Variants in COL5A2 observed in about 807,000 individuals in gnomAD.
The protein encoded by COL5A2 is collagen alpha-2(V) chain.
COL5A2 carries 23 observed loss-of-function variants against 208.2 expected under a neutral mutation model. That is an observed-to-expected ratio of 0.11 (90% confidence interval 0.08 to 0.16). COL5A2 has a LOEUF of 0.16. Ranked by LOEUF, COL5A2 falls within the 10% of genes least tolerant of loss-of-function variation. COL5A2 has a pLI of 1.00. For synonymous variants in COL5A2, 625 were observed against 628.5 expected, an observed-to-expected ratio of 0.99 and a Z score of 0.08; for missense variants, 1,590 against 1,956.4, an observed-to-expected ratio of 0.81 and a Z score of 3.53.
At chr2:189,269,731 T>G in the COL5A2 span, among the ~76,000 whole-genome samples, 1 of 152,174 alleles carries the variant, frequency 6.6e-6, no homozygotes, top group African/African-American at 2.4e-5. Context: ...GGTTTTAATA[T>G]AAGGATGATG....
At chr2:189,245,702 CT>C in the COL5A2 span, among the ~76,000 whole-genome samples, 2 of 152,142 alleles carry the variant, frequency 1.3e-5, no homozygotes, top group East Asian at 3.9e-4. Context: ...TCTCGATCTC[CT>C]GACCTCGTGA....
At chr2:189,091,954 A>T (rs962652384) in intron 7 of COL5A2, among the ~76,000 whole-genome samples, 3 of 152,124 alleles carry the variant, frequency 2.0e-5, no homozygotes, top group African/African-American at 7.2e-5. Flanking sequence ...TACGGAGCAG[A>T]TTTTTTTGGC....
At chr2:189,057,290 GAAAAAA>G (rs34715449) in intron 34 of COL5A2, 24 bp downstream of exon 34, 24 of 710,600 alleles carry the variant, frequency 3.4e-5, no homozygotes, top group Middle Eastern at 3.5e-4. Flanking sequence ...TAAATGAACT[GAAAAAA>G]AAAAAAAAAA....
At chr2:189,094,074 C>T (rs2105672689) in intron 6 of COL5A2, among the ~76,000 whole-genome samples, 1 of 152,218 alleles carries the variant, frequency 6.6e-6, no homozygotes, top group East Asian at 1.9e-4. Flanking sequence ...ATTCATTAGT[C>T]CTCCAAAGAG....
At chr2:189,407,767 C>T in the COL5A2 span, among the ~76,000 whole-genome samples, 3 of 152,168 alleles carry the variant, frequency 2.0e-5, no homozygotes, top group Non-Finnish European at 4.4e-5. Flanking sequence ...AGCAAGACAA[C>T]TCCTCTTTAC....
chr2:189,245,876 T>C, the COL5A2 span, among the ~76,000 whole-genome samples: 1 of 152,246 alleles, frequency 6.6e-6, no homozygotes, highest in African/African-American at 2.4e-5. Flanking sequence ...TTACAACTTT[T>C]GTTTAGTACA....
chr2:189,224,938 AAGAC>A (rs1460168058), intron 1 of COL5A2, among the ~76,000 whole-genome samples: 4 of 152,072 alleles, frequency 2.6e-5, no homozygotes, highest in East Asian at 1.9e-4. Context: ...TTTTAACAGA[AAGAC>A]AGACAAGAGA....
the COL5A2 span, among the ~76,000 whole-genome samples, chr2:189,353,661 G>T: frequency 1.3e-5 from 2 of 152,036 alleles, no homozygotes; most frequent in Non-Finnish European, 2.9e-5. Context: ...ACCGCTGAAG[G>T]TGCTTATCAG....
chr2:189,108,922 T>A (rs935137211), intron 2 of COL5A2, among the ~76,000 whole-genome samples: 1 of 151,908 alleles, frequency 6.6e-6, no homozygotes, highest in African/African-American at 2.4e-5. Context: ...GACCATTACT[T>A]ATTTCTGCTT....
intron 1 of COL5A2, among the ~76,000 whole-genome samples, chr2:189,213,449 C>G (rs1483185995): frequency 6.6e-6 from 1 of 152,166 alleles, no homozygotes. Flanking sequence ...TTATGTGCTT[C>G]TTGAAGAAAG....
the COL5A2 span, among the ~76,000 whole-genome samples, chr2:189,423,432 A>T: frequency 2.1e-3 from 315 of 152,120 alleles, 1 homozygote; most frequent in African/African-American, 7.2e-3. Context: ...ATAATAGGAA[A>T]TTTTTTTAAT....
chr2:189,339,034 T>C, the COL5A2 span, among the ~76,000 whole-genome samples: 1 of 152,188 alleles, frequency 6.6e-6, no homozygotes, highest in Admixed American at 6.5e-5. Flanking sequence ...TAGACACATG[T>C]TTAGTGTGAC....
chr2:189,098,613 A>G, intron 5 of COL5A2, 114 bp downstream of exon 5: 4 of 861,930 alleles, frequency 4.6e-6, no homozygotes, highest in Non-Finnish European at 7.7e-6. Flanking sequence ...ATGTTTTAAG[A>G]GACCAAGTAT....
intron 33 of COL5A2, 83 bp from the exon 34 acceptor site, chr2:189,057,510 G>T: frequency 1.0e-6 from 1 of 989,664 alleles, no homozygotes; most frequent in Non-Finnish European, 1.6e-6. Flanking sequence ...GTCAAAAGTA[G>T]TTGTCAGCAA....
chr2:189,321,516 C>T, the COL5A2 span, among the ~76,000 whole-genome samples: 7 of 152,114 alleles, frequency 4.6e-5, no homozygotes, highest in African/African-American at 1.7e-4. Context: ...GGTTGCAATC[C>T]TAGTCTCTGA....
chr2:189,239,832 C>T, the COL5A2 span, among the ~76,000 whole-genome samples: 11 of 151,526 alleles, frequency 7.3e-5, no homozygotes, highest in South Asian at 2.1e-4. Flanking sequence ...ATAAGGAATG[C>T]GGGAGGACCT....
chr2:189,054,351 G>T lies in COL5A2; in HGVS notation c.2392-139C>A, dbSNP rs1357020952. The T allele has an allele frequency of 6.1e-6, 4 of 658,056 alleles. No homozygotes were observed. The East Asian group carries it at 1.1e-4, about 18-fold the overall frequency. 40.8% of individuals were successfully genotyped at this position (658,056 alleles called of 1,614,324 possible). A position where few individuals can be genotyped will look rare whatever the true frequency, so the allele number is the denominator to read the frequency against. On this transcript the variant is annotated intron_variant, in intron 35 of 53. Transcript: ENST00000374866. ...TTGCAAATCATTATCTATAATAAAT[G>T]ATATAATCTATATATTTTCAAGAGT...
chr2:189,252,019 C>T, the COL5A2 span, among the ~76,000 whole-genome samples: 3 of 152,320 alleles, frequency 2.0e-5, no homozygotes, highest in South Asian at 2.1e-4. Context: ...AAATGCTCAT[C>T]ATCACTGGCC....
chr2:189,358,967 T>C, the COL5A2 span, among the ~76,000 whole-genome samples: 1 of 152,192 alleles, frequency 6.6e-6, no homozygotes, highest in East Asian at 1.9e-4. Flanking sequence ...TAACAGTGTT[T>C]TTGGTGGAGT....
Sources: gnomAD v4.1 joint callset for allele counts (sites outside exome capture counted in the v4.1 genomes callset) on GRCh38, gnomAD v4.1.1 for gene constraint, MANE v1.5 for transcripts, NCBI Gene and HGNC (gene_info 2026-07-23, HGNC 2026-07-21) for gene names.